SNX24: variants seen among roughly 807,000 people sequenced by gnomAD.
SNX24 encodes the protein sorting nexin-24.
Under a neutral mutation model 28.7 loss-of-function variants are expected in SNX24, and 22 were observed. That is an observed-to-expected ratio of 0.77 (90% CI 0.55 to 1.10). The LOEUF is 1.10. Among genes scored for constraint, SNX24 ranks in the 50% least tolerant of loss-of-function variants. SNX24 has a pLI of 0.00. For missense variants in SNX24, 221 were observed against 201.1 expected (o/e 1.10, Z -0.60); for synonymous variants, 69 against 71.5 (o/e 0.96, Z 0.18).
At chr5:122,855,993 G>A (rs1755172431) in intron 1 of SNX24, among the ~76,000 whole-genome samples, 1 of 152,130 alleles carries the variant, frequency 6.6e-6, no homozygotes, top group Admixed American at 6.6e-5. Flanking sequence ...AGGTTCGGGG[G>A]TACATGTGCA....
chr5:122,928,979 A>G (rs1758831508), intron 1 of SNX24, among the ~76,000 whole-genome samples: 1 of 151,602 alleles, frequency 6.6e-6, no homozygotes, highest in South Asian at 2.1e-4. Context: ...CTGTGACACT[A>G]ATATCTGTTA....
chr5:123,023,938 C>T (rs141117441), intron 5 of SNX24: 17 of 1,613,922 alleles, frequency 1.1e-5, no homozygotes, highest in African/African-American at 8.0e-5. Flanking sequence ...TGTTGATGAT[C>T]GAGCAGTTGG....
At position 122,931,485 on chromosome 5, in the gene SNX24, G is replaced by A. The variant is rs567259102; in HGVS notation, c.61-5249G>A. On this transcript the variant is annotated intron_variant, in intron 1 of 6. Transcript: ENST00000261369. ...TTTTAGAGATTCAACTTTTTATAGT[G>A]GAATAACAACCTTTTTTATTATCTT... Among the ~76,000 whole-genome samples the A allele has an allele frequency of 4.0e-4, 61 of 152,102 alleles. 1 individual carries two copies. The highest frequency in any genetic ancestry group is 3.3e-3 in the South Asian group (16 of 4,814).
chr5:123,009,257 G>A (rs184642535), downstream of SNX24: 1 of 981,494 alleles, frequency 1.0e-6, no homozygotes, highest in African/African-American at 1.7e-5. Context: ...GTTTGTATCT[G>A]TCTGTTTACA....
At chr5:122,954,223 A>T (rs1760101070) in intron 3 of SNX24, among the ~76,000 whole-genome samples, 1 of 151,782 alleles carries the variant, frequency 6.6e-6, no homozygotes, top group African/African-American at 2.4e-5. Flanking sequence ...TTATATATAA[A>T]ATACATATAA....
intron 1 of SNX24, among the ~76,000 whole-genome samples, chr5:122,917,041 G>T (rs1033555155): frequency 1.3e-5 from 2 of 152,128 alleles, no homozygotes; most frequent in African/African-American, 4.8e-5. Flanking sequence ...GGCTGAGGGG[G>T]ACGGATCACG....
chr5:123,009,311 A>G (rs1762513993), downstream of SNX24: 1 of 679,634 alleles, frequency 1.5e-6, no homozygotes, highest in African/African-American at 1.9e-5. Context: ...TCACACATTC[A>G]CATAGATGTT....
At chr5:123,024,925 G>C (rs1227811708) in intron 5 of SNX24, among the ~76,000 whole-genome samples, 1 of 152,216 alleles carries the variant, frequency 6.6e-6, no homozygotes, top group African/African-American at 2.4e-5. Context: ...CTGTAAGGCA[G>C]AAATATTGAG....
intron 1 of SNX24, among the ~76,000 whole-genome samples, chr5:122,868,652 A>ATATGGATAT (rs1755827562): frequency 1.3e-5 from 2 of 152,180 alleles, no homozygotes; most frequent in Admixed American, 6.5e-5. Flanking sequence ...ATATTCTGGG[A>ATATGGATAT]CCCACTCAAA....
chr5:122,872,553 T>A (rs1446992908), intron 1 of SNX24, among the ~76,000 whole-genome samples: 1 of 152,190 alleles, frequency 6.6e-6, no homozygotes, highest in African/African-American at 2.4e-5. Context: ...AGGTCCCTGA[T>A]ATAAAATGGC....
chr5:122,946,651 T>C (rs997310925), intron 3 of SNX24, among the ~76,000 whole-genome samples: 2 of 152,104 alleles, frequency 1.3e-5, no homozygotes, highest in Non-Finnish European at 2.9e-5. Flanking sequence ...AAAATTCGAA[T>C]GTCAATTTAG....
intron 1 of SNX24, among the ~76,000 whole-genome samples, chr5:122,904,919 G>A (rs906493325): frequency 1.3e-5 from 2 of 152,182 alleles, no homozygotes; most frequent in Admixed American, 6.5e-5. Context: ...CGGCCGTCTC[G>A]TATTTCCCCA....
intron 1 of SNX24, among the ~76,000 whole-genome samples, chr5:122,873,027 TG>T (rs1756052547): frequency 2.6e-5 from 4 of 152,114 alleles, no homozygotes; most frequent in Admixed American, 2.0e-4. Context: ...GGTGCAGTGG[TG>T]CGATCATAGC....
rs1176853220 is a variant in SNX24, at chr5:122,845,639, G to A, written c.6G>A (p.Glu2=). The A allele has an allele frequency of 3.5e-6, 5 of 1,425,290 alleles. No homozygotes were observed. Among genetic ancestry groups the A allele is most frequent in the African/African-American group, 2.9e-5 (2 of 68,462 alleles). 88.3% of individuals were successfully genotyped at this position (1,425,290 alleles called of 1,614,324 possible). A position where few individuals can be genotyped will look rare whatever the true frequency, so the allele number is the denominator to read the frequency against. ...GCCGGCTGGCCGGCGCGGCCATGGA[G>A]GTCTACATCCCGTCCTTTCGCTATG... is the stretch of plus-strand genomic sequence containing the variant. The part of the protein sequence containing the change: M[E]VYIPSFRYEE... Residue 2 remains glutamate (E), a synonymous_variant, in exon 1 of 7, where the codon GAG becomes GAA. Coordinates refer to ENST00000261369, the MANE Select transcript of SNX24 (RefSeq NM_014035.4).
intron 1 of SNX24, among the ~76,000 whole-genome samples, chr5:122,874,377 C>G (rs150913634): frequency 3.3e-5 from 5 of 152,250 alleles, no homozygotes; most frequent in African/African-American, 4.8e-5. Context: ...GGTCCCTGCC[C>G]AGAAGGACAG....
chr5:122,897,635 A>G (rs1757260421), intron 1 of SNX24, among the ~76,000 whole-genome samples: 1 of 152,228 alleles, frequency 6.6e-6, no homozygotes, highest in African/African-American at 2.4e-5. Flanking sequence ...AAAAAAATTA[A>G]CGTGCAATGA....
At chr5:123,028,706 G>A (rs1008921481) in intron 5 of SNX24, 8 of 1,252,248 alleles carry the variant, frequency 6.4e-6, no homozygotes, top group African/African-American at 1.5e-5. Context: ...CAACAGACTG[G>A]GTTCATATAC....
rs1040819383 is a variant in SNX24, at chr5:122,854,088, T to TA, written c.60+8407dup. Among the ~76,000 whole-genome samples the TA allele has an allele frequency of 6.6e-4, 96 of 145,322 alleles. 1 individual carries two copies. The highest frequency in any genetic ancestry group is 1.0e-3 in the Admixed American group (15 of 14,538). ...TCTTCTGCTCTCATCGATTACTATT[T>TA]AAAAAAAAAAAAGTGGTATGAGGCT... On this transcript the variant is annotated intron_variant, in intron 1 of 6. Coordinates refer to ENST00000261369, the MANE Select transcript of SNX24 (RefSeq NM_014035.4).
intron 1 of SNX24, among the ~76,000 whole-genome samples, chr5:122,921,364 T>C (rs1350919653): frequency 2.0e-5 from 3 of 152,186 alleles, no homozygotes; most frequent in Non-Finnish European, 4.4e-5. Context: ...AGAGCAAATA[T>C]TTGGAAAATA....
Sources: allele counts gnomAD v4.1 joint callset (sites outside exome capture counted in the v4.1 genomes callset), GRCh38; gene constraint gnomAD v4.1.1; transcripts MANE v1.5; gene names NCBI Gene and HGNC (gene_info 2026-07-23, HGNC 2026-07-21).